MICAL2: variants seen among roughly 807,000 people sequenced by gnomAD.
MICAL2 encodes [F-actin]-monooxygenase MICAL2.
Under a neutral mutation model 127.3 loss-of-function variants are expected in MICAL2, and 77 were observed. The ratio of observed to expected loss-of-function variants is 0.60; its 90% CI spans 0.50 to 0.73. MICAL2 has a LOEUF of 0.73. Ranked by LOEUF, MICAL2 falls within the 30% of genes least tolerant of loss-of-function variation. The pLI is 0.00. For synonymous variants in MICAL2, 570 were observed against 551.1 expected (o/e 1.03, Z -0.48); for missense variants, 1,351 against 1,434.4 (o/e 0.94, Z 0.94).
At chr11:12,268,964 A>T (rs1406677742) in intron 24 of MICAL2, among the ~76,000 whole-genome samples, 1 of 151,876 alleles carries the variant, frequency 6.6e-6, no homozygotes, top group Non-Finnish European at 1.5e-5. Context: ...GTGCCACTGC[A>T]CTCCAGCCTC....
intron 20 of MICAL2, among the ~76,000 whole-genome samples, chr11:12,243,699 T>C (rs1457290119): frequency 6.6e-6 from 1 of 152,198 alleles, no homozygotes; most frequent in Non-Finnish European, 1.5e-5. Flanking sequence ...AGGGCTTTGG[T>C]AATTGGCATC....
At chr11:12,132,920 G>A (rs1851539336) in intron 1 of MICAL2, among the ~76,000 whole-genome samples, 2 of 152,160 alleles carry the variant, frequency 1.3e-5, no homozygotes, top group African/African-American at 2.4e-5. Flanking sequence ...TGCAGACTTC[G>A]GTGCTGGGTT....
chr11:12,166,997 A>G (rs1246886949), intron 3 of MICAL2, among the ~76,000 whole-genome samples: 1 of 152,034 alleles, frequency 6.6e-6, no homozygotes, highest in African/African-American at 2.4e-5. Flanking sequence ...GAGTGGATGG[A>G]TGGTAGGAAA....
chr11:12,187,393 G>A (rs941672562), intron 3 of MICAL2, among the ~76,000 whole-genome samples: 1 of 152,166 alleles, frequency 6.6e-6, no homozygotes, highest in Non-Finnish European at 1.5e-5. Context: ...TGTTTCTAGG[G>A]GTGTGGTCCT....
At chr11:12,113,275 G>C (rs1452060422) in intron 1 of MICAL2, among the ~76,000 whole-genome samples, 1 of 152,194 alleles carries the variant, frequency 6.6e-6, no homozygotes, top group Non-Finnish European at 1.5e-5. Context: ...GGCCGGGTGT[G>C]GTGGCTCATG....
intron 1 of MICAL2, among the ~76,000 whole-genome samples, chr11:12,123,821 GT>G (rs61617380): frequency 0.081 from 12,292 of 152,140 alleles, 564 homozygotes; most frequent in Admixed American, 0.13. Context: ...CTTCTCTGTG[GT>G]TTTCCTCTGA....
At chr11:12,300,419 GT>G (rs35245253) in intron 29 of MICAL2, among the ~76,000 whole-genome samples, 61,300 of 152,032 alleles carry the variant, frequency 0.4, 13,242 homozygotes, top group African/African-American at 0.55. Context: ...TTCACTTTGA[GT>G]TAATCAAAAG....
In MICAL2 at chr11:12,119,941, A is replaced by T. The variant is rs35204653; in HGVS notation, c.-149+9215A>T. Among the ~76,000 whole-genome samples, 908 of 152,334 alleles carry T rather than the reference A, an allele frequency of 6.0e-3. 3 individuals are homozygous for T. Among genetic ancestry groups the T allele is most frequent in the Non-Finnish European group, 8.1e-3 (551 of 68,024 alleles). On this transcript the variant is annotated intron_variant, in intron 1 of 27. Transcript: ENST00000683283. ...AAGGTCACCCAGCCAGGTCAGAGTC[A>T]GGTCTCTTTTCCATCTACCATTTCC... is the stretch of plus-strand genomic sequence containing the variant.
intron 1 of MICAL2, among the ~76,000 whole-genome samples, chr11:12,115,553 A>G (rs1417120608): frequency 6.6e-6 from 1 of 152,056 alleles, no homozygotes; most frequent in Non-Finnish European, 1.5e-5. Flanking sequence ...TCCTGAGCTC[A>G]AGCAACTCAT....
intron 16 of MICAL2, among the ~76,000 whole-genome samples, chr11:12,238,176 T>A (rs1431874783): frequency 6.6e-6 from 1 of 152,232 alleles, no homozygotes; most frequent in Non-Finnish European, 1.5e-5. Flanking sequence ...CGTGAGAATG[T>A]CTGTTCCTGT....
downstream of MICAL2, among the ~76,000 whole-genome samples, chr11:12,264,499 G>A (rs765433307): frequency 1.3e-5 from 2 of 152,202 alleles, no homozygotes; most frequent in South Asian, 4.1e-4. Context: ...CAGTGCCAAA[G>A]TCATCTGGTC....
intron 33 of MICAL2, among the ~76,000 whole-genome samples, chr11:12,353,576 G>A (rs182106475): frequency 7.9e-5 from 12 of 152,226 alleles, no homozygotes; most frequent in Non-Finnish European, 1.6e-4. Flanking sequence ...GTGGCATTTG[G>A]GAGCCTCCAC....
intron 1 of MICAL2, among the ~76,000 whole-genome samples, chr11:12,136,124 C>A (rs1445167079): frequency 6.6e-6 from 1 of 152,090 alleles, no homozygotes; most frequent in Non-Finnish European, 1.5e-5. Context: ...TCACAGGAAA[C>A]CTTCCCTGTA....
intron 2 of MICAL2, among the ~76,000 whole-genome samples, chr11:12,156,046 G>C (rs1165421987): frequency 6.6e-6 from 1 of 152,204 alleles, no homozygotes; most frequent in African/African-American, 2.4e-5. Flanking sequence ...AAGAGGGTTG[G>C]GGCCAGAAGG....
At chr11:12,342,574 A>G (rs1330210887) in intron 32 of MICAL2, among the ~76,000 whole-genome samples, 1 of 152,240 alleles carries the variant, frequency 6.6e-6, no homozygotes, top group African/African-American at 2.4e-5. Flanking sequence ...ATGGCAAGGT[A>G]GGTGTGGTAT....
chr11:12,304,964 G>T (rs948656757), intron 29 of MICAL2, among the ~76,000 whole-genome samples: 15 of 152,130 alleles, frequency 9.9e-5, no homozygotes, highest in African/African-American at 2.9e-4. Context: ...AACATTTGCT[G>T]GGAATTTGAA....
At position 12,221,663 on chromosome 11, in the gene MICAL2, C is replaced by A; in HGVS notation, c.1226C>A (p.Thr409Lys). ...TTGCAGCCATTTTGGCCCATGGGTACAGGCTGTGCCCGTGGCTTCCTGGCA... is the reference window on the plus strand; with the variant it reads ...TTGCAGCCATTTTGGCCCATGGGTAAAGGCTGTGCCCGTGGCTTCCTGGCA... ...SLLEPFWPMGTGCARGFLAAF... is the reference protein window; with the variant it reads ...SLLEPFWPMGKGCARGFLAAF... The change falls in exon 10 of 28, where the codon ACA becomes AAA. Residue 409 changes from threonine (T) to lysine (K), a missense_variant. Coordinates refer to ENST00000683283, the MANE Select transcript of MICAL2 (RefSeq NM_001282663.2). 1 of 1,613,428 alleles carries A rather than the reference C, an allele frequency of 6.2e-7. No individual in the cohort carries two copies. Among genetic ancestry groups the A allele is most frequent in the Non-Finnish European group, 8.5e-7 (1 of 1,179,660 alleles).
At chr11:12,242,972 A>C in intron 20 of MICAL2, 200 bp downstream of exon 20, 1 of 456,682 alleles carries the variant, frequency 2.2e-6, no homozygotes, top group Non-Finnish European at 3.8e-6. Flanking sequence ...AAATAAATAC[A>C]TCATGAGAAA....
chr11:12,262,766 G>T, intron 27 of MICAL2: 1 of 510,324 alleles, frequency 2.0e-6, no homozygotes, highest in Non-Finnish European at 3.5e-6. Flanking sequence ...TACCCCAAGT[G>T]CATGCCCCGC....
Sources: gnomAD v4.1 joint callset for allele counts (sites outside exome capture counted in the v4.1 genomes callset) on GRCh38, gnomAD v4.1.1 for gene constraint, MANE v1.5 for transcripts, NCBI Gene and HGNC (gene_info 2026-07-23, HGNC 2026-07-21) for gene names.